PCMT1: variants seen among roughly 807,000 people sequenced by gnomAD.
The protein encoded by PCMT1 is protein-L-isoaspartate(D-aspartate) O-methyltransferase.
A neutral mutation model predicts 29.2 loss-of-function variants in PCMT1; 9 were observed. The observed-to-expected ratio is 0.31, with a 90% CI of 0.19 to 0.54. The LOEUF (loss-of-function observed/expected upper bound fraction) is 0.54, where lower values mean the gene tolerates loss of function less well. PCMT1 is among the 20% of genes least tolerant of loss of function. The probability of loss-of-function intolerance (pLI) is 0.95; values close to 1 mark genes in which losing one functional copy is unlikely to be tolerated. For missense variants in PCMT1, 184 were observed against 282.2 expected, an observed-to-expected ratio of 0.65 and a Z score of 2.49; for synonymous variants, 98 against 97.5, an observed-to-expected ratio of 1.00 and a Z score of -0.03.
chr6:149,785,960 C>A (rs879412677), intron 3 of PCMT1, among the ~76,000 whole-genome samples: 66 of 151,332 alleles, frequency 4.4e-4, no homozygotes, highest in Middle Eastern at 3.5e-3. Flanking sequence ...GGCAGAGGGG[C>A]TCCTCACTTC....
chr6:149,777,129 G>GT (rs1398782512), intron 3 of PCMT1, among the ~76,000 whole-genome samples: 11 of 152,104 alleles, frequency 7.2e-5, no homozygotes, highest in African/African-American at 2.7e-4. Flanking sequence ...TGAAAATACT[G>GT]TAACTCTAAA....
chr6:149,783,777 G>A (rs1787912156), intron 3 of PCMT1, among the ~76,000 whole-genome samples: 1 of 151,966 alleles, frequency 6.6e-6, no homozygotes, highest in African/African-American at 2.4e-5. Context: ...ATAACCTCAA[G>A]CTCTTCAGCT....
rs74301791 is a variant in PCMT1 at position 149,754,182 on chromosome 6, A to T, written c.55+4226A>T. Among the ~76,000 whole-genome samples the T allele has an allele frequency of 7.3e-4, 111 of 152,340 alleles. No individual in the cohort carries two copies. In the East Asian group the frequency reaches 0.019, roughly 26 times the overall value. On this transcript the variant is annotated intron_variant, in intron 1 of 7. Transcript: ENST00000464889. ...AGCTACATGTGGCATTTAACATTTGAAATGTGGACAACTGAAGAACCGAAA... is the reference window on the plus strand; with the variant it reads ...AGCTACATGTGGCATTTAACATTTGTAATGTGGACAACTGAAGAACCGAAA...
At chr6:149,758,816 A>G (rs1786623745) in intron 1 of PCMT1, among the ~76,000 whole-genome samples, 1 of 152,216 alleles carries the variant, frequency 6.6e-6, no homozygotes, top group Non-Finnish European at 1.5e-5. Flanking sequence ...TCTGGTACTT[A>G]GAGAATATGC....
intron 3 of PCMT1, among the ~76,000 whole-genome samples, chr6:149,787,303 GGGGAGA>G (rs879795907): frequency 1.1e-4 from 17 of 149,896 alleles, no homozygotes; most frequent in South Asian, 2.1e-4. Flanking sequence ...GGGAGACCGT[GGGGAGA>G]GGGAGAGGGA....
intron 1 of PCMT1, among the ~76,000 whole-genome samples, chr6:149,758,916 G>A (rs1464076215): frequency 6.6e-6 from 1 of 151,514 alleles, no homozygotes; most frequent in Non-Finnish European, 1.5e-5. Flanking sequence ...TGCTCTTGTT[G>A]CCCAGGCTAG....
chr6:149,776,073 C>T (rs971615300), intron 3 of PCMT1, among the ~76,000 whole-genome samples: 6 of 151,938 alleles, frequency 3.9e-5, no homozygotes, highest in South Asian at 2.1e-4. Context: ...GCAGGAGAAT[C>T]GCTTGAACCC....
At position 149,784,244 on chromosome 6, in the gene PCMT1, C is replaced by T. The variant is rs145191513; in HGVS notation, c.193-5710C>T. Among the ~76,000 whole-genome samples the T allele has an allele frequency of 7.2e-3, 1,104 of 152,278 alleles. 20 individuals are homozygous for T. Among genetic ancestry groups the T allele is most frequent in the African/African-American group, 0.026 (1,072 of 41,558 alleles). ...AGGCTGTATCTATTCAAGGCCTTCT[C>T]TCCATATATAAGTTGGGGGAAAAGA... On this transcript the variant is annotated intron_variant, in intron 3 of 7. Transcript: ENST00000464889.
At chr6:149,774,037 G>A (rs1054438483) in intron 3 of PCMT1, among the ~76,000 whole-genome samples, 1 of 151,798 alleles carries the variant, frequency 6.6e-6, no homozygotes, top group Non-Finnish European at 1.5e-5. Context: ...ACCCAGGCTG[G>A]AATGCAGTGG....
In PCMT1 at chr6:149,771,228, C is replaced by T; in HGVS notation, c.122C>T (p.Ala41Val). 2 of 1,609,978 alleles carry T rather than the reference C, an allele frequency of 1.2e-6. No individual in the cohort carries two copies. The highest frequency in any genetic ancestry group is 1.7e-6 in the Non-Finnish European group (2 of 1,176,498). ...VMLATDRSHY[A>V]KCNPYMDSPQ... ...CTGGCTACAGACCGCTCCCACTATG[C>T]AAAATGTAACCCATACATGGATTCT... Residue 41 changes from alanine (A) to valine (V), a missense_variant, in exon 2 of 8, where the codon GCA becomes GTA. By Grantham distance (64) the Ala-to-Val change is moderately conservative (BLOSUM62 0). Transcript: ENST00000464889.
chr6:149,772,651 A>T (rs761152098), intron 2 of PCMT1: 6 of 437,630 alleles, frequency 1.4e-5, no homozygotes. Flanking sequence ...ATATTTTCTA[A>T]TTTTAACTGC....
chr6:149,755,984 G>A (rs972762718), intron 1 of PCMT1, among the ~76,000 whole-genome samples: 6 of 152,242 alleles, frequency 3.9e-5, no homozygotes, highest in East Asian at 1.9e-4. Flanking sequence ...AAGAAATAGC[G>A]AATTCCAGAT....
intron 2 of PCMT1, among the ~76,000 whole-genome samples, 167 bp from the exon 3 acceptor site, chr6:149,772,971 C>T (rs912881354): frequency 4.8e-5 from 7 of 146,858 alleles, no homozygotes; most frequent in Admixed American, 6.9e-5. Flanking sequence ...GAGCCAAGAT[C>T]GCGCCACTGC....
At chr6:149,752,036 G>T (rs1406910965) in intron 1 of PCMT1, among the ~76,000 whole-genome samples, 7 of 122,806 alleles carry the variant, frequency 5.7e-5, no homozygotes, top group African/African-American at 9.0e-5. Flanking sequence ...AATTTTTAGG[G>T]TTTTTTTTTT....
At chr6:149,809,450 A>G (rs1776104872) in intron 7 of PCMT1, among the ~76,000 whole-genome samples, 1 of 152,092 alleles carries the variant, frequency 6.6e-6, no homozygotes, top group African/African-American at 2.4e-5. Context: ...GTTATTTGGA[A>G]GAATATATTA....
At chr6:149,772,154 CA>C in intron 2 of PCMT1, 1 of 454,730 alleles carries the variant, frequency 2.2e-6, no homozygotes, top group South Asian at 1.6e-5. Context: ...CGCACTATAA[CA>C]GTCAGCAGAG....
rs1384554048 is a variant in PCMT1 at position 149,785,534 on chromosome 6, C to T, written c.193-4420C>T. On this transcript the variant is annotated intron_variant, in intron 3 of 7. Transcript: ENST00000464889. ...CAAGTGAACAAAGGTCTCTGGTTTT[C>T]CTAGGCAGAGGACCCTGAGGCCTTC... 6.6e-5 allele frequency among the ~76,000 whole-genome samples: 10 copies of T among 151,714 alleles called. No homozygotes were observed. In the East Asian group the frequency reaches 1.9e-3, roughly 29 times the overall value.
intron 1 of PCMT1, among the ~76,000 whole-genome samples, chr6:149,769,432 G>C (rs1787222279): frequency 6.7e-6 from 1 of 148,358 alleles, no homozygotes; most frequent in Non-Finnish European, 1.5e-5. Flanking sequence ...TCCCGTCTCA[G>C]CCTCCTGAGT....
At chr6:149,794,840 G>C in intron 5 of PCMT1, 1 of 490,510 alleles carries the variant, frequency 2.0e-6, no homozygotes, top group Non-Finnish European at 4.1e-6. Context: ...AAGGTCAAGT[G>C]ACAGATCACG....
Sources: allele counts gnomAD v4.1 joint callset (sites outside exome capture counted in the v4.1 genomes callset), GRCh38; gene constraint gnomAD v4.1.1; transcripts MANE v1.5; gene names NCBI Gene and HGNC (gene_info 2026-07-23, HGNC 2026-07-21).